The following BABAM2 variants were observed in gnomAD, a reference collection of about 807,000 sequenced individuals.
The protein encoded by BABAM2 is BRISC and BRCA1-A complex member 2.
Under a neutral mutation model 54.7 loss-of-function variants are expected in BABAM2, and 31 were observed. The ratio of observed to expected loss-of-function variants is 0.57; its 90% CI spans 0.43 to 0.77. The LOEUF (loss-of-function observed/expected upper bound fraction) is 0.77. Ranked by LOEUF, BABAM2 falls within the 30% of genes least tolerant of loss-of-function variation. The probability of loss-of-function intolerance (pLI) is 0.00; values close to 1 mark genes in which losing one functional copy is unlikely to be tolerated. For synonymous variants in BABAM2, 167 were observed against 162.9 expected (o/e 1.03, Z -0.19); for missense variants, 364 against 455.8 (o/e 0.80, Z 1.83).
intron 6 of BABAM2, among the ~76,000 whole-genome samples, chr2:28,107,682 G>A (rs534984219): frequency 3.3e-5 from 5 of 152,112 alleles, no homozygotes; most frequent in Non-Finnish European, 5.9e-5. Context: ...TCCTTTGTCC[G>A]GCTGCAGGTG....
intron 6 of BABAM2, among the ~76,000 whole-genome samples, chr2:28,123,889 A>G (rs184193929): frequency 9.9e-4 from 151 of 152,378 alleles, no homozygotes; most frequent in African/African-American, 3.6e-3. Flanking sequence ...TATATAAACT[A>G]GAGTCATTCC....
chr2:28,249,912 C>T (rs1270698349), intron 10 of BABAM2, among the ~76,000 whole-genome samples: 1 of 152,194 alleles, frequency 6.6e-6, no homozygotes, highest in Non-Finnish European at 1.5e-5. Flanking sequence ...GGATTACAGG[C>T]ATGAGCCACC....
chr2:28,062,171 T>C (rs1198117167), intron 6 of BABAM2, among the ~76,000 whole-genome samples: 8 of 151,392 alleles, frequency 5.3e-5, no homozygotes, highest in Admixed American at 3.9e-4. Context: ...GGCAGGAGAA[T>C]TGCTTGAATC....
chr2:28,003,197 A>G (rs1333361001), intron 4 of BABAM2, among the ~76,000 whole-genome samples: 1 of 152,186 alleles, frequency 6.6e-6, no homozygotes, highest in Non-Finnish European at 1.5e-5. Context: ...TTTGTTTTGC[A>G]AGTAGATAAT....
intron 6 of BABAM2, among the ~76,000 whole-genome samples, chr2:28,103,394 C>G (rs1362138994): frequency 6.6e-6 from 1 of 152,072 alleles, no homozygotes; most frequent in Non-Finnish European, 1.5e-5. Flanking sequence ...ATCACTAGAG[C>G]CACAATCTCC....
chr2:28,083,942 T>A (rs1233115696), intron 6 of BABAM2, among the ~76,000 whole-genome samples: 1 of 152,224 alleles, frequency 6.6e-6, no homozygotes, highest in Non-Finnish European at 1.5e-5. Context: ...GAATTAATAA[T>A]GAAGACAAAC....
chr2:28,090,239 G>A (rs903274740), intron 6 of BABAM2, among the ~76,000 whole-genome samples: 9 of 152,040 alleles, frequency 5.9e-5, no homozygotes, highest in African/African-American at 1.9e-4. Flanking sequence ...CTTGAGAAAG[G>A]TAAATTATCT....
intron 7 of BABAM2, among the ~76,000 whole-genome samples, chr2:28,196,836 CTTTTTT>C (rs759950166): frequency 3.0e-4 from 12 of 40,240 alleles, no homozygotes; most frequent in Admixed American, 2.0e-3. Context: ...GAGACCCTGT[CTTTTTT>C]TTTTTTTTTT....
intron 11 of BABAM2, among the ~76,000 whole-genome samples, chr2:28,302,179 G>T (rs906710818): frequency 6.6e-6 from 1 of 152,174 alleles, no homozygotes. Context: ...CATTTTGGGG[G>T]ACTGAAGCGG....
intron 10 of BABAM2, among the ~76,000 whole-genome samples, chr2:28,258,615 C>A (rs114723968): frequency 1.0e-5 from 1 of 100,044 alleles, no homozygotes; most frequent in Non-Finnish European, 1.9e-5. Context: ...TTTTTCTTTT[C>A]TTTTTTTTTT....
At chr2:28,141,784 A>G (rs1671086320) in intron 7 of BABAM2, among the ~76,000 whole-genome samples, 1 of 152,160 alleles carries the variant, frequency 6.6e-6, no homozygotes, top group East Asian at 1.9e-4. Flanking sequence ...ACAATGATCA[A>G]TGATTGGTTT....
chr2:28,231,956 T>C (rs1441653266), intron 7 of BABAM2, among the ~76,000 whole-genome samples: 2 of 151,410 alleles, frequency 1.3e-5, no homozygotes, highest in Non-Finnish European at 2.9e-5. Flanking sequence ...TATAGGCACA[T>C]ACGATCATGC....
intron 7 of BABAM2, among the ~76,000 whole-genome samples, chr2:28,147,982 G>A (rs1336636817): frequency 1.3e-5 from 2 of 152,138 alleles, no homozygotes; most frequent in Non-Finnish European, 2.9e-5. Context: ...CACTCCAACT[G>A]AAAAGGAAGG....
intron 7 of BABAM2, among the ~76,000 whole-genome samples, chr2:28,156,364 T>A (rs1368345052): frequency 2.0e-5 from 3 of 152,200 alleles, no homozygotes; most frequent in Non-Finnish European, 4.4e-5. Context: ...TCTGCCTTTC[T>A]CTGCTACTAA....
chr2:28,015,533 C>G (rs755430822), intron 4 of BABAM2, among the ~76,000 whole-genome samples: 1 of 152,034 alleles, frequency 6.6e-6, no homozygotes, highest in Admixed American at 6.6e-5. Flanking sequence ...CCAGAGTTAT[C>G]AAGCACTGGA....
chr2:28,090,704 G>A (rs1053356186), intron 6 of BABAM2, among the ~76,000 whole-genome samples: 3 of 152,166 alleles, frequency 2.0e-5, no homozygotes, highest in African/African-American at 7.2e-5. Context: ...AGATAGAGAT[G>A]TCTTCTGGTT....
At chr2:27,915,172 G>GC (rs879504900) in intron 2 of BABAM2, among the ~76,000 whole-genome samples, 34 of 152,258 alleles carry the variant, frequency 2.2e-4, no homozygotes, top group Non-Finnish European at 5.0e-4. Flanking sequence ...AAATGAAGTA[G>GC]CCCGGTGAAG....
At chr2:28,265,839 AT>A (rs1205560891) in intron 10 of BABAM2, among the ~76,000 whole-genome samples, 1 of 152,216 alleles carries the variant, frequency 6.6e-6, no homozygotes, top group East Asian at 1.9e-4. Flanking sequence ...TATTCACCTA[AT>A]TTTTTAAATA....
chr2:27,983,461 A>C (rs1025348721), intron 3 of BABAM2, among the ~76,000 whole-genome samples: 5 of 152,094 alleles, frequency 3.3e-5, no homozygotes, highest in Non-Finnish European at 5.9e-5. Flanking sequence ...TTTTCATATG[A>C]TTTTTAGGAT....
Sources: allele counts gnomAD v4.1 joint callset (sites outside exome capture counted in the v4.1 genomes callset), GRCh38; gene constraint gnomAD v4.1.1; transcripts MANE v1.5; gene names NCBI Gene and HGNC (gene_info 2026-07-23, HGNC 2026-07-21).